Variants in MGMT observed in about 807,000 individuals in gnomAD.
The protein encoded by MGMT is O-6-methylguanine-DNA methyltransferase.
In MGMT, 14 loss-of-function variants were observed where a neutral mutation model predicts 15.9. The ratio of observed to expected loss-of-function variants is 0.88; its 90% CI spans 0.58 to 1.37. The LOEUF is 1.37. Ranked by LOEUF, MGMT falls within the 40% of genes most tolerant of loss-of-function variation. The pLI, the probability that MGMT is intolerant of heterozygous loss-of-function variation, is 0.00. For synonymous variants in MGMT, 130 were observed against 118.2 expected (o/e 1.10, Z -0.65); for missense variants, 282 against 268.1 (o/e 1.05, Z -0.36).
At chr10:129,628,115 C>T (rs143857044) in intron 2 of MGMT, among the ~76,000 whole-genome samples, 2 of 152,250 alleles carry the variant, frequency 1.3e-5, no homozygotes, top group African/African-American at 2.4e-5. Flanking sequence ...TGCAGATGAG[C>T]GGCATCCTAA....
At chr10:129,524,013 A>G (rs1003418558) in intron 1 of MGMT, among the ~76,000 whole-genome samples, 40 of 152,176 alleles carry the variant, frequency 2.6e-4, no homozygotes, top group Non-Finnish European at 3.7e-4. Context: ...GCAAGTGTCC[A>G]TTGTGACCTG....
chr10:129,689,239 C>T (rs867436148), intron 2 of MGMT, among the ~76,000 whole-genome samples: 2 of 152,286 alleles, frequency 1.3e-5, no homozygotes, highest in Middle Eastern at 3.4e-3. Context: ...CAACCCTGTC[C>T]TTTGTTTCTT....
Position 129,755,932 on chromosome 10 carries a change from T to C in MGMT, c.275-3270T>C, listed in dbSNP as rs147612114. Among the ~76,000 whole-genome samples, 1,369 of 152,300 alleles carry C rather than the reference T, an allele frequency of 9.0e-3. 8 individuals carry two copies. The highest frequency in any genetic ancestry group is 0.015 in the Admixed American group (230 of 15,306). On this transcript the variant is annotated intron_variant, in intron 3 of 4. Transcript: ENST00000651593. ...GCTCTGGTGTGTGTTGTCTTCCTTA[T>C]TGGAGCTGGGTTTGGCTGAGTTGGT...
At chr10:129,742,347 T>C (rs4751117) in intron 3 of MGMT, among the ~76,000 whole-genome samples, 98,003 of 152,184 alleles carry the variant, frequency 0.64, 32,786 homozygotes, top group African/African-American at 0.83. Flanking sequence ...ACACCATGCG[T>C]AGGGCTGGAA....
At chr10:129,528,776 G>T (rs907718419) in intron 1 of MGMT, among the ~76,000 whole-genome samples, 24 of 152,286 alleles carry the variant, frequency 1.6e-4, no homozygotes, top group Admixed American at 1.4e-3. Flanking sequence ...CACAGCTCCA[G>T]CCATCACATC....
intron 1 of MGMT, among the ~76,000 whole-genome samples, chr10:129,495,502 A>G (rs1242275285): frequency 5.3e-5 from 8 of 152,164 alleles, no homozygotes; most frequent in African/African-American, 1.4e-4. Flanking sequence ...TCTACATTTC[A>G]TTTGCTGATT....
At chr10:129,529,445 C>G (rs1383661217) in intron 1 of MGMT, among the ~76,000 whole-genome samples, 1 of 152,154 alleles carries the variant, frequency 6.6e-6, no homozygotes, top group Non-Finnish European at 1.5e-5. Flanking sequence ...CAATAGGCTT[C>G]ACACTCCTAT....
chr10:129,506,655 C>T (rs1340128502), intron 1 of MGMT, among the ~76,000 whole-genome samples: 1 of 152,172 alleles, frequency 6.6e-6, no homozygotes, highest in East Asian at 1.9e-4. Context: ...CTACCCTGTC[C>T]TCCCATCTCT....
rs1455531170 is a variant in MGMT, at chr10:129,767,218, G to C, written c.*221G>C. On this transcript the variant is annotated 3_prime_UTR_variant, in exon 5 of 5. Transcript: ENST00000651593. ...ACGCTGCCCTTGCTCTATTTTTCAT[G>C]TCCATTAAAACAGGCCAAGTGAGTG... The C allele has an allele frequency of 8.5e-6, 4 of 471,710 alleles. No individual in the cohort carries two copies. Among genetic ancestry groups the C allele is most frequent in the Non-Finnish European group, 1.5e-5 (4 of 266,050 alleles). 29.2% of individuals were successfully genotyped at this position (471,710 alleles called of 1,614,324 possible).
chr10:129,610,920 C>A (rs1479004025), intron 2 of MGMT, among the ~76,000 whole-genome samples: 3 of 152,186 alleles, frequency 2.0e-5, no homozygotes, highest in Non-Finnish European at 4.4e-5. Flanking sequence ...AAAGTATGTT[C>A]TCGTGAGATA....
intron 2 of MGMT, among the ~76,000 whole-genome samples, chr10:129,650,044 G>C (rs144422627): frequency 6.6e-6 from 1 of 152,098 alleles, no homozygotes; most frequent in African/African-American, 2.4e-5. Flanking sequence ...AAATATTTTT[G>C]ATATTATTGA....
intron 4 of MGMT, among the ~76,000 whole-genome samples, chr10:129,764,890 C>T (rs925850525): frequency 2.0e-5 from 3 of 152,000 alleles, no homozygotes; most frequent in African/African-American, 4.8e-5. Flanking sequence ...ATCTAGGTTG[C>T]GGGGATGAAT....
chr10:129,631,871 TTAAC>T (rs1221957373), intron 2 of MGMT, among the ~76,000 whole-genome samples: 1 of 152,212 alleles, frequency 6.6e-6, no homozygotes, highest in Non-Finnish European at 1.5e-5. Context: ...TATTGCATAA[TTAAC>T]TATTATTTAT....
intron 1 of MGMT, among the ~76,000 whole-genome samples, chr10:129,507,237 T>C (rs1845635142): frequency 1.3e-5 from 2 of 152,230 alleles, no homozygotes; most frequent in Admixed American, 1.3e-4. Context: ...TGCGTGGTGC[T>C]GCAGTCTCTG....
chr10:129,507,715 C>G (rs1845640082), intron 1 of MGMT, among the ~76,000 whole-genome samples: 1 of 152,208 alleles, frequency 6.6e-6, no homozygotes, highest in Non-Finnish European at 1.5e-5. Context: ...TTCTGTGCAA[C>G]TTTTTATTGT....
rs1176940410 is a variant in MGMT at position 129,532,101 on chromosome 10, T to C, written c.-12-4140T>C. On this transcript the variant is annotated intron_variant, in intron 1 of 4. Transcript: ENST00000651593. The surrounding 1 kb of genome is among the most constrained non-coding windows in gnomAD (Gnocchi z 5.3). ...CCTGCTTTGTGATTGATTCAGTGTG[T>C]TCCCATGGCTTCAGGCCACCTTTGC... Among the ~76,000 whole-genome samples, 6 of 152,230 alleles carry C rather than the reference T, an allele frequency of 3.9e-5. No homozygotes were observed. Among genetic ancestry groups the C allele is most frequent in the Non-Finnish European group, 8.8e-5 (6 of 68,028 alleles).
At chr10:129,555,383 A>C (rs937673479) in intron 2 of MGMT, among the ~76,000 whole-genome samples, 1 of 152,022 alleles carries the variant, frequency 6.6e-6, no homozygotes, top group Non-Finnish European at 1.5e-5. Flanking sequence ...AGTACCCCTC[A>C]CAGGGCCTAG....
At chr10:129,738,883 A>G (rs544031368) in intron 3 of MGMT, among the ~76,000 whole-genome samples, 1 of 152,358 alleles carries the variant, frequency 6.6e-6, no homozygotes, top group East Asian at 1.9e-4. Flanking sequence ...ATCCCTGATG[A>G]ACATTGATGT....
Position 129,467,316 on chromosome 10 carries a change from C to T in MGMT, c.-13+20C>T. Reference sequence around the variant, plus strand: ...GACTTGGTGAGTGTCTGGGTCGCCTCGCTCCCGGAAGAGTGCGGAGCTCTC... The same window carrying T: ...GACTTGGTGAGTGTCTGGGTCGCCTTGCTCCCGGAAGAGTGCGGAGCTCTC... On this transcript the variant is annotated intron_variant, in intron 1 of 4. Coordinates refer to ENST00000651593, the MANE Select transcript of MGMT (RefSeq NM_002412.5). 3 of 1,534,864 alleles carry T rather than the reference C, an allele frequency of 2.0e-6. No homozygotes were observed. Among genetic ancestry groups the T allele is most frequent in the Admixed American group, 4.1e-5 (2 of 48,928 alleles).
Sources: allele counts gnomAD v4.1 joint callset (sites outside exome capture counted in the v4.1 genomes callset), GRCh38; gene constraint gnomAD v4.1.1; non-coding constraint Gnocchi (gnomAD v3.1); transcripts MANE v1.5; gene names NCBI Gene and HGNC (gene_info 2026-07-23, HGNC 2026-07-21).